Variants in PDXDC1 observed in about 807,000 individuals in gnomAD.
PDXDC1 encodes pyridoxal-dependent decarboxylase domain-containing protein 1.
A neutral mutation model predicts 100.1 loss-of-function variants in PDXDC1; 42 were observed. That is an observed-to-expected ratio of 0.42 (90% CI 0.33 to 0.54). The LOEUF is 0.54. Ranked by LOEUF, PDXDC1 falls within the 20% of genes least tolerant of loss-of-function variation. PDXDC1 has a pLI of 0.10. For missense variants in PDXDC1, 636 were observed against 979.2 expected (o/e 0.65, Z 4.68); for synonymous variants, 260 against 371.7 (o/e 0.70, Z 3.46).
chr16:15,001,350 G>A (rs1268375697), intron 3 of PDXDC1, among the ~76,000 whole-genome samples: 21 of 152,244 alleles, frequency 1.4e-4, no homozygotes, highest in Admixed American at 3.3e-4. Context: ...TTAGCCGAGC[G>A]TGGTGGCGCA....
intron 16 of PDXDC1, chr16:15,127,894 T>C (rs1305511986): frequency 6.5e-7 from 1 of 1,532,112 alleles, no homozygotes; most frequent in African/African-American, 1.4e-5. Context: ...CAGGGCTGCG[T>C]GACCTAGAAG....
intron 16 of PDXDC1, chr16:15,044,374 G>T (rs369969404): frequency 6.2e-7 from 1 of 1,613,386 alleles, no homozygotes; most frequent in Admixed American, 1.7e-5. Flanking sequence ...ACTGCCTGTC[G>T]TCACTGAAGC....
intron 16 of PDXDC1, among the ~76,000 whole-genome samples, chr16:15,126,158 C>T (rs2380387): frequency 4.0e-5 from 6 of 151,860 alleles, no homozygotes; most frequent in Admixed American, 6.6e-5. Flanking sequence ...GCTCAGCCTC[C>T]TGAGTAGCTG....
chr16:15,080,165 C>G, intron 16 of PDXDC1: 1 of 1,499,418 alleles, frequency 6.7e-7, no homozygotes, highest in Non-Finnish European at 8.9e-7. Flanking sequence ...GTAAGCAAAA[C>G]ATCAATTACA....
At position 15,093,947 on chromosome 16, in the gene PDXDC1, G is replaced by C. The variant is rs10852374; in HGVS notation, c.1400-44932G>C. ...GGGGGCCTCCAGAACAGAGAACATA[G>C]TCACTTTTCCAGGCCCCACCCATGT... On this transcript the variant is annotated intron_variant, in intron 16 of 16. Transcript: ENST00000535621. 0.75 allele frequency: 451,494 copies of C among 601,124 alleles called. 171,360 individuals carry two copies. Among genetic ancestry groups the C allele is most frequent in the Admixed American group, 0.84 (26,210 of 31,328 alleles). The allele number at this position is 601,124 out of a possible 1,614,324, so 37.2% of individuals were successfully genotyped here.
At chr16:15,074,014 C>A (rs1165037131) in intron 16 of PDXDC1, among the ~76,000 whole-genome samples, 1 of 152,182 alleles carries the variant, frequency 6.6e-6, no homozygotes, top group Non-Finnish European at 1.5e-5. Context: ...AAAAAATACT[C>A]TCCTACATAT....
intron 16 of PDXDC1, among the ~76,000 whole-genome samples, chr16:15,112,553 GT>G (rs2047111699): frequency 6.6e-6 from 1 of 150,502 alleles, no homozygotes; most frequent in South Asian, 2.1e-4. Context: ...TGTAGAATTT[GT>G]TTTTTCCTGA....
intron 16 of PDXDC1, chr16:15,068,374 A>C: frequency 7.0e-7 from 1 of 1,433,806 alleles, no homozygotes; most frequent in Non-Finnish European, 9.3e-7. Context: ...ATTTAAAAAA[A>C]ACTTTAAAAA....
chr16:15,128,641 G>A (rs1001513829), intron 16 of PDXDC1, among the ~76,000 whole-genome samples: 2 of 151,850 alleles, frequency 1.3e-5, no homozygotes, highest in Non-Finnish European at 2.9e-5. Flanking sequence ...GGCTGCACAC[G>A]CCTCAGTCCA....
chr16:15,004,967 A>T lies in PDXDC1; in HGVS notation c.389+634A>T, dbSNP rs542734576. Among the ~76,000 whole-genome samples, 29 of 152,396 alleles carry T rather than the reference A, an allele frequency of 1.9e-4. No individual in the cohort carries two copies. The East Asian group carries it at 5.4e-3, about 28-fold the overall frequency. ...CACCCATCTTTTTAAATTTCTGAAG[A>T]TTTTTTACTCATGCTTGGTTGAATC... On this transcript the variant is annotated intron_variant, in intron 5 of 22. Transcript: ENST00000396410.
At chr16:14,991,986 G>A (rs1278027721) in intron 1 of PDXDC1, among the ~76,000 whole-genome samples, 3 of 152,288 alleles carry the variant, frequency 2.0e-5, no homozygotes, top group African/African-American at 7.2e-5. Flanking sequence ...TAGACCCGTG[G>A]TCTAAAGAGA....
At chr16:15,096,319 G>A (rs1324187963) in intron 16 of PDXDC1, among the ~76,000 whole-genome samples, 1 of 152,094 alleles carries the variant, frequency 6.6e-6, no homozygotes, top group Non-Finnish European at 1.5e-5. Flanking sequence ...ATGTTGGCCA[G>A]GCTGGTCTCA....
chr16:15,101,498 G>C (rs1193160855), intron 16 of PDXDC1, among the ~76,000 whole-genome samples: 3 of 151,798 alleles, frequency 2.0e-5, no homozygotes, highest in Middle Eastern at 3.4e-3. Context: ...TGTAGAGATG[G>C]GGTTAGTAGA....
intron 12 of PDXDC1, among the ~76,000 whole-genome samples, chr16:15,020,265 G>A (rs1164722586): frequency 1.2e-4 from 18 of 152,386 alleles, no homozygotes; most frequent in Non-Finnish European, 2.5e-4. Context: ...AGGATGGCTC[G>A]AGGAACGAAT....
rs1434429188 is a variant in PDXDC1, at chr16:15,037,184, G to C, written c.*909G>C. Reference sequence around the variant, plus strand: ...TCGCCTGGGCCCAACTCAGAAACAGGAGCCAGCAGAGCACTCTCTCACGCT... The same window carrying C: ...TCGCCTGGGCCCAACTCAGAAACAGCAGCCAGCAGAGCACTCTCTCACGCT... On this transcript the variant is annotated 3_prime_UTR_variant, in exon 23 of 23. Transcript: ENST00000396410. 6.6e-6 allele frequency: 1 copy of C among 152,156 alleles called. No homozygotes were observed. The highest frequency in any genetic ancestry group is 1.9e-4 in the East Asian group (1 of 5,192). The allele number at this position is 152,156 out of a possible 1,614,324, so 9.4% of individuals were successfully genotyped here. A position where few individuals can be genotyped will look rare whatever the true frequency, so the allele number is the denominator to read the frequency against.
chr16:15,036,557 C>T lies in PDXDC1; in HGVS notation c.*282C>T, dbSNP rs2043466711. The stretch of plus-strand genomic sequence containing the variant: ...AAAAAACACTTCGAATTTCAAGTGT[C>T]TACCAGTAGCACCCTTGCTCTTTCT... On this transcript the variant is annotated 3_prime_UTR_variant, in exon 23 of 23. Transcript: ENST00000396410. 1 of 474,594 alleles carries T rather than the reference C, an allele frequency of 2.1e-6. No individual in the cohort carries two copies. The allele number at this position is 474,594 out of a possible 1,614,324, so 29.4% of individuals were successfully genotyped here. A position where few individuals can be genotyped will look rare whatever the true frequency, so the allele number is the denominator to read the frequency against.
chr16:15,064,800 A>T (rs1284404882), intron 16 of PDXDC1, among the ~76,000 whole-genome samples: 1 of 152,222 alleles, frequency 6.6e-6, no homozygotes, highest in South Asian at 2.1e-4. Flanking sequence ...GCTCATCAAC[A>T]GCGAGGAAGG....
intron 1 of PDXDC1, among the ~76,000 whole-genome samples, chr16:14,980,375 G>GACCTCTGCCCCACTGCA (rs1224785987): frequency 6.6e-5 from 10 of 152,200 alleles, no homozygotes; most frequent in Admixed American, 2.6e-4. Flanking sequence ...AGCTCTATGC[G>GACCTCTGCCCCACTGCA]ACCTCTGCCC....
chr16:15,123,312 C>T (rs1266892568), intron 16 of PDXDC1: 42 of 1,421,718 alleles, frequency 3.0e-5, no homozygotes, highest in Admixed American at 5.9e-5. Context: ...TCCACCCCAA[C>T]CAGCTCCCTG....
Sources: allele counts gnomAD v4.1 joint callset (sites outside exome capture counted in the v4.1 genomes callset), GRCh38; gene constraint gnomAD v4.1.1; transcripts MANE v1.5; gene names NCBI Gene and HGNC (gene_info 2026-07-23, HGNC 2026-07-21).